AOPEP: variants seen among roughly 807,000 people sequenced by gnomAD.
AOPEP encodes the protein aminopeptidase O (putative), also known as aminopeptidase O.
AOPEP carries 77 observed loss-of-function variants against 98.1 expected under a neutral mutation model. That is an observed-to-expected ratio of 0.78 (90% confidence interval 0.65 to 0.95). The LOEUF is 0.95. Among genes scored for constraint, AOPEP ranks in the 40% least tolerant of loss-of-function variants. The pLI is 0.00. For synonymous variants in AOPEP, 346 were observed against 365.3 expected (o/e 0.95, Z 0.60); for missense variants, 1,024 against 1,024.7 (o/e 1.00, Z 0.01).
chr9:94,888,354 A>G (rs1024149060), intron 5 of AOPEP, among the ~76,000 whole-genome samples: 2 of 147,472 alleles, frequency 1.4e-5, no homozygotes, highest in African/African-American at 5.0e-5. Context: ...TGAAATAATT[A>G]TAGAGTCACA....
chr9:94,799,897 G>C (rs1383561831), intron 4 of AOPEP, among the ~76,000 whole-genome samples: 2 of 151,954 alleles, frequency 1.3e-5, no homozygotes, highest in Non-Finnish European at 2.9e-5. Context: ...ATAATGATTA[G>C]AGGGGTTTTT....
At chr9:94,967,719 T>G (rs755897323) in intron 9 of AOPEP, 39 bp from the exon 10 acceptor site, 1 of 1,571,960 alleles carries the variant, frequency 6.4e-7, no homozygotes. Flanking sequence ...AGTTATTTAT[T>G]GATGGACATC....
intron 13 of AOPEP, among the ~76,000 whole-genome samples, chr9:95,013,829 C>T (rs2062764634): frequency 6.6e-6 from 1 of 152,182 alleles, no homozygotes; most frequent in Non-Finnish European, 1.5e-5. Context: ...TACATAAAGT[C>T]TCATGCTGGT....
the AOPEP span, chr9:95,101,786 C>T: frequency 6.2e-7 from 1 of 1,614,154 alleles, no homozygotes; most frequent in Non-Finnish European, 8.5e-7. Context: ...AAGACGATTC[C>T]ATCTGTACAA....
At chr9:95,094,966 C>G in the AOPEP span, among the ~76,000 whole-genome samples, 1 of 152,232 alleles carries the variant, frequency 6.6e-6, no homozygotes, top group Non-Finnish European at 1.5e-5. Context: ...GACCATCCTG[C>G]CATACACACA....
intron 9 of AOPEP, among the ~76,000 whole-genome samples, chr9:94,967,389 C>T (rs1247812524): frequency 6.6e-6 from 1 of 152,070 alleles, no homozygotes; most frequent in African/African-American, 2.4e-5. Flanking sequence ...TCTAGGAGTA[C>T]AGGAATCTCT....
intron 3 of AOPEP, among the ~76,000 whole-genome samples, chr9:94,787,012 G>A (rs986390304): frequency 1.6e-4 from 25 of 152,122 alleles, no homozygotes; most frequent in African/African-American, 5.1e-4. Flanking sequence ...AAAAACTTGC[G>A]CGCTGTATAG....
intron 13 of AOPEP, chr9:95,019,699 T>C (rs1239633535): frequency 1.3e-5 from 2 of 152,258 alleles, no homozygotes; most frequent in Non-Finnish European, 2.9e-5. Context: ...GTTGAGCTTC[T>C]AAATGTTAAA....
At chr9:95,132,284 A>G in the AOPEP span, among the ~76,000 whole-genome samples, 1 of 152,248 alleles carries the variant, frequency 6.6e-6, no homozygotes, top group Non-Finnish European at 1.5e-5. Flanking sequence ...TGTGGAATCC[A>G]AAGAATAGCT....
intron 13 of AOPEP, among the ~76,000 whole-genome samples, chr9:95,008,987 T>A (rs375362089): frequency 5.3e-5 from 8 of 152,346 alleles, no homozygotes; most frequent in East Asian, 1.9e-4. Context: ...GATACTCTTT[T>A]TTATTATTTC....
At chr9:95,030,077 C>T (rs1222346303) in intron 13 of AOPEP, among the ~76,000 whole-genome samples, 2 of 152,102 alleles carry the variant, frequency 1.3e-5, no homozygotes, top group Non-Finnish European at 2.9e-5. Flanking sequence ...TTGTTTTAAA[C>T]CAACTCAAGA....
chr9:95,059,510 A>AG (rs2067133749), intron 13 of AOPEP, among the ~76,000 whole-genome samples: 1 of 134,586 alleles, frequency 7.4e-6, no homozygotes, highest in Admixed American at 7.5e-5. Flanking sequence ...CTTTTGGAAA[A>AG]GTATATGTGT....
At chr9:95,061,251 A>G (rs1056393518) in intron 14 of AOPEP, among the ~76,000 whole-genome samples, 5 of 152,220 alleles carry the variant, frequency 3.3e-5, no homozygotes, top group Non-Finnish European at 7.3e-5. Context: ...GGAAAAGGCA[A>G]TTGGATGCTT....
chr9:94,787,174 A>G (rs1844617010), intron 3 of AOPEP, among the ~76,000 whole-genome samples: 1 of 152,154 alleles, frequency 6.6e-6, no homozygotes, highest in Non-Finnish European at 1.5e-5. Context: ...TTCTGTTACC[A>G]CTATTGCTAT....
intron 14 of AOPEP, among the ~76,000 whole-genome samples, chr9:95,067,633 C>T (rs1045601014): frequency 6.6e-6 from 1 of 152,212 alleles, no homozygotes; most frequent in Non-Finnish European, 1.5e-5. Context: ...TTCGCTGAAA[C>T]AGCCTTTCTC....
At chr9:95,107,038 T>G in the AOPEP span, 4 of 1,611,958 alleles carry the variant, frequency 2.5e-6, no homozygotes, top group African/African-American at 4.0e-5. Context: ...AAATGAGTAC[T>G]AGGATGCTGG....
intron 5 of AOPEP, among the ~76,000 whole-genome samples, chr9:94,856,960 T>G (rs1270968987): frequency 6.6e-6 from 1 of 152,246 alleles, no homozygotes; most frequent in Admixed American, 6.5e-5. Flanking sequence ...GTGCTTGTCC[T>G]TGGGGACGTG....
intron 13 of AOPEP, chr9:95,048,808 G>A (rs1043382426): frequency 6.6e-6 from 1 of 152,208 alleles, no homozygotes; most frequent in African/African-American, 2.4e-5. Context: ...TTTCGTGCGT[G>A]TTTTATTTAC....
rs576151177 is a variant in AOPEP at position 95,035,580 on chromosome 9, G to A, written c.2116-25114G>A. On this transcript the variant is annotated intron_variant, in intron 13 of 16. Coordinates refer to ENST00000375315, the MANE Select transcript of AOPEP (RefSeq NM_001193329.3). ...GTTGCCCAGGCTGGAGTGCAGTGGC[G>A]CGATCTCGACTCACCGCAACCTCCG... 1.7e-3 allele frequency among the ~76,000 whole-genome samples: 228 copies of A among 136,326 alleles called. 2 individuals are homozygous for A. The highest frequency in any genetic ancestry group is 5.6e-3 in the African/African-American group (203 of 36,292). 89.4% of individuals were successfully genotyped at this position (136,326 alleles called of 152,430 possible). A position where few individuals can be genotyped will look rare whatever the true frequency, so the allele number is the denominator to read the frequency against.
Sources: allele counts gnomAD v4.1 joint callset (sites outside exome capture counted in the v4.1 genomes callset), GRCh38; gene constraint gnomAD v4.1.1; transcripts MANE v1.5; gene names NCBI Gene and HGNC (gene_info 2026-07-23, HGNC 2026-07-21).